SORCS2: variants seen among roughly 807,000 people sequenced by gnomAD.
The protein encoded by SORCS2 is VPS10 domain-containing receptor SorCS2.
SORCS2 carries 100 observed loss-of-function variants against 141.6 expected under a neutral mutation model. The ratio of observed to expected loss-of-function variants is 0.71; its 90% CI spans 0.60 to 0.83. SORCS2 has a LOEUF of 0.83. SORCS2 is among the 40% of genes least tolerant of loss of function. SORCS2 has a pLI of 0.00. For missense variants in SORCS2, 1,646 were observed against 1,560.2 expected, an observed-to-expected ratio of 1.05 and a Z score of -0.93; for synonymous variants, 789 against 676.9, an observed-to-expected ratio of 1.17 and a Z score of -2.57.
intron 8 of SORCS2, among the ~76,000 whole-genome samples, chr4:7,667,794 G>T (rs1385003247): frequency 1.3e-5 from 2 of 152,196 alleles, no homozygotes; most frequent in Admixed American, 6.5e-5. Flanking sequence ...GCCCAACTCT[G>T]CCCCTGCCCC....
chr4:7,313,606 A>G (rs1718346398), intron 1 of SORCS2, among the ~76,000 whole-genome samples: 1 of 152,222 alleles, frequency 6.6e-6, no homozygotes, highest in Non-Finnish European at 1.5e-5. Context: ...TGGAAGGGCC[A>G]TAGATGAAAC....
rs148954837 is a variant in SORCS2 at position 7,632,639 on chromosome 4, G to T, written c.649-5689G>T. Among the ~76,000 whole-genome samples, 1,495 of 152,262 alleles carry T rather than the reference G, an allele frequency of 9.8e-3. 28 individuals are homozygous for T. Among genetic ancestry groups the T allele is most frequent in the African/African-American group, 0.034 (1,408 of 41,536 alleles). On this transcript the variant is annotated intron_variant, in intron 3 of 26. Coordinates refer to ENST00000507866, the MANE Select transcript of SORCS2 (RefSeq NM_020777.3). ...AAGCCCAGGGCCTAATGGAGGGTGCGGACTGCCGCAGAAAGGGCCTGTGAT... is the reference window on the plus strand; with the variant it reads ...AAGCCCAGGGCCTAATGGAGGGTGCTGACTGCCGCAGAAAGGGCCTGTGAT...
At chr4:7,372,989 A>C (rs1722356184) in intron 1 of SORCS2, among the ~76,000 whole-genome samples, 1 of 143,912 alleles carries the variant, frequency 6.9e-6, no homozygotes, top group Non-Finnish European at 1.5e-5. Flanking sequence ...CAGCTGCAGG[A>C]CATCTTGGTG....
intron 1 of SORCS2, among the ~76,000 whole-genome samples, chr4:7,274,031 G>T (rs961009282): frequency 1.3e-5 from 2 of 152,222 alleles, no homozygotes; most frequent in African/African-American, 4.8e-5. Context: ...CTGACTCTAG[G>T]TTTGCAAACA....
chr4:7,384,296 C>T (rs6446594), intron 1 of SORCS2, among the ~76,000 whole-genome samples: 18,178 of 152,152 alleles, frequency 0.12, 1,747 homozygotes, highest in African/African-American at 0.27. Flanking sequence ...TGTGGGGGGA[C>T]TGAAAGAGAT....
chr4:7,629,648 C>G (rs1288083259), intron 3 of SORCS2, among the ~76,000 whole-genome samples: 2 of 151,958 alleles, frequency 1.3e-5, no homozygotes, highest in African/African-American at 2.4e-5. Flanking sequence ...CCTGCCATGC[C>G]TGGATGAGCT....
chr4:7,724,455 G>A (rs1726911201), intron 19 of SORCS2, among the ~76,000 whole-genome samples: 1 of 132,354 alleles, frequency 7.6e-6, no homozygotes, highest in South Asian at 2.7e-4. Context: ...TGGTGGTGGT[G>A]ATGGTGGTGG....
chr4:7,644,988 C>T (rs189945992), intron 4 of SORCS2, among the ~76,000 whole-genome samples: 29 of 152,274 alleles, frequency 1.9e-4, no homozygotes, highest in African/African-American at 6.5e-4. Context: ...AGTAAAAGCG[C>T]CTCCCAGGAG....
intron 1 of SORCS2, among the ~76,000 whole-genome samples, chr4:7,379,253 G>C (rs748062074): frequency 7.2e-5 from 11 of 152,280 alleles, no homozygotes; most frequent in African/African-American, 2.6e-4. Context: ...GGTGCAGCAG[G>C]TTCAGCAAGA....
At chr4:7,347,601 G>C (rs1417228627) in intron 1 of SORCS2, among the ~76,000 whole-genome samples, 1 of 152,186 alleles carries the variant, frequency 6.6e-6, no homozygotes, top group African/African-American at 2.4e-5. Flanking sequence ...ACTCACCTGA[G>C]TGGTTCCAAA....
chr4:7,509,086 A>G (rs1227554252), intron 2 of SORCS2, among the ~76,000 whole-genome samples: 1 of 152,222 alleles, frequency 6.6e-6, no homozygotes, highest in African/African-American at 2.4e-5. Context: ...GGGCTCAAAC[A>G]GGAGATCAGT....
At chr4:7,595,842 C>A (rs1717239847) in intron 3 of SORCS2, among the ~76,000 whole-genome samples, 1 of 152,170 alleles carries the variant, frequency 6.6e-6, no homozygotes, top group Non-Finnish European at 1.5e-5. Context: ...AGGCACCAGG[C>A]ACCGTCACCT....
At chr4:7,698,244 A>G (rs972217691) in intron 12 of SORCS2, among the ~76,000 whole-genome samples, 1 of 152,082 alleles carries the variant, frequency 6.6e-6, no homozygotes, top group African/African-American at 2.4e-5. Flanking sequence ...ACATATGGCT[A>G]TCTCCTTCCA....
chr4:7,392,357 A>T (rs2109102595), intron 1 of SORCS2, among the ~76,000 whole-genome samples: 1 of 152,104 alleles, frequency 6.6e-6, no homozygotes, highest in South Asian at 2.1e-4. Context: ...CCCGGACATC[A>T]GGGGCTTTGG....
At chr4:7,296,921 G>A (rs1436622877) in intron 1 of SORCS2, among the ~76,000 whole-genome samples, 6 of 152,168 alleles carry the variant, frequency 3.9e-5, no homozygotes, top group Non-Finnish European at 8.8e-5. Context: ...CCGCGTGCCC[G>A]GCCTGGTGTC....
intron 1 of SORCS2, among the ~76,000 whole-genome samples, chr4:7,254,977 A>G (rs950547442): frequency 1.3e-5 from 2 of 152,060 alleles, no homozygotes. Context: ...CGGGGAGAGC[A>G]TGGGTGGGAG....
intron 2 of SORCS2, among the ~76,000 whole-genome samples, chr4:7,471,575 C>G (rs1729979494): frequency 6.6e-6 from 1 of 152,254 alleles, no homozygotes; most frequent in South Asian, 2.1e-4. Context: ...CTCGCCGCCC[C>G]TACCCCGTTC....
chr4:7,638,010 C>T lies in SORCS2; in HGVS notation c.649-318C>T, dbSNP rs116403931. ...TGAATAGCTAAGATTCACACTGAGC[C>T]GGTCAGGTTGGGGCTGGACCTGCCA... is the stretch of plus-strand genomic sequence containing the variant. On this transcript the variant is annotated intron_variant, in intron 3 of 26. Transcript: ENST00000507866. 9.8e-3 allele frequency among the ~76,000 whole-genome samples: 1,498 copies of T among 152,284 alleles called. 27 individuals are homozygous for T. Among genetic ancestry groups the T allele is most frequent in the African/African-American group, 0.034 (1,407 of 41,570 alleles).
At chr4:7,725,005 ATGGTGGTGG>A (rs373326590) in intron 19 of SORCS2, 140 bp from the exon 20 acceptor site, 4 of 804,720 alleles carry the variant, frequency 5.0e-6, no homozygotes, top group Non-Finnish European at 3.9e-6. Context: ...AGTAGTGGTG[ATGGTGGTGG>A]TGGTGGTGGT....
Sources: allele counts gnomAD v4.1 joint callset (sites outside exome capture counted in the v4.1 genomes callset), GRCh38; gene constraint gnomAD v4.1.1; transcripts MANE v1.5; gene names NCBI Gene and HGNC (gene_info 2026-07-23, HGNC 2026-07-21).